Variants in MLLT1 observed in about 807,000 individuals in gnomAD.
The protein encoded by MLLT1 is protein ENL.
Under a neutral mutation model 55.1 loss-of-function variants are expected in MLLT1, and 11 were observed. That is an observed-to-expected ratio of 0.20 (90% CI 0.13 to 0.33). The LOEUF (loss-of-function observed/expected upper bound fraction) is 0.33, where lower values mean the gene tolerates loss of function less well. Ranked by LOEUF, MLLT1 falls within the 10% of genes least tolerant of loss-of-function variation. MLLT1 has a pLI of 1.00. For missense variants in MLLT1, 536 were observed against 760.6 expected, an observed-to-expected ratio of 0.70 and a Z score of 3.47; for synonymous variants, 323 against 320.1, an observed-to-expected ratio of 1.01 and a Z score of -0.10.
intron 3 of MLLT1, among the ~76,000 whole-genome samples, chr19:6,261,755 T>G (rs2091307844): frequency 6.6e-6 from 1 of 152,214 alleles, no homozygotes; most frequent in Non-Finnish European, 1.5e-5. Context: ...ATAACTCCTT[T>G]TTCCTTCAAG....
intron 1 of MLLT1, among the ~76,000 whole-genome samples, chr19:6,278,355 A>G (rs1348032778): frequency 6.6e-6 from 1 of 152,184 alleles, no homozygotes; most frequent in Non-Finnish European, 1.5e-5. Flanking sequence ...AGGGGGTGCC[A>G]GGGTGCAGGA....
chr19:6,257,411 AC>A (rs1357750324), intron 3 of MLLT1, among the ~76,000 whole-genome samples: 1 of 148,736 alleles, frequency 6.7e-6, no homozygotes, highest in Non-Finnish European at 1.5e-5. Context: ...AAAAAAAAAA[AC>A]ACCTAAAAAA....
rs987450618 is a variant in MLLT1 at position 6,210,916 on chromosome 19, G to A, written c.*2126C>T. On this transcript the variant is annotated 3_prime_UTR_variant, in exon 12 of 12. Transcript: ENST00000252674. The surrounding 1 kb of genome is among the most constrained non-coding windows in gnomAD (Gnocchi z 4.6). Reference sequence around the variant, plus strand: ...ACAACGTGAGGCCTTCCGGCCAGAGGAGGTAACTGAGAACTGGGTTGGTGC... The same window carrying A: ...ACAACGTGAGGCCTTCCGGCCAGAGAAGGTAACTGAGAACTGGGTTGGTGC... The A allele has an allele frequency of 8.7e-6, 2 of 231,032 alleles. No individual in the cohort carries two copies. The highest frequency in any genetic ancestry group is 1.2e-4 in the East Asian group (2 of 16,316). 14.3% of individuals were successfully genotyped at this position (231,032 alleles called of 1,614,324 possible).
At chr19:6,220,302 C>A (rs2090885189) in intron 6 of MLLT1, among the ~76,000 whole-genome samples, 1 of 152,224 alleles carries the variant, frequency 6.6e-6, no homozygotes, top group Non-Finnish European at 1.5e-5. Flanking sequence ...TTCGGTGAAG[C>A]CCCCGGGGGA....
chr19:6,260,225 G>A (rs899905622), intron 3 of MLLT1, among the ~76,000 whole-genome samples: 50 of 152,266 alleles, frequency 3.3e-4, no homozygotes, highest in African/African-American at 1.1e-3. Context: ...GCCCAGTAGT[G>A]ACAATCCTAT....
At chr19:6,244,354 A>G (rs1055335510) in intron 3 of MLLT1, among the ~76,000 whole-genome samples, 2 of 151,124 alleles carry the variant, frequency 1.3e-5, no homozygotes, top group Non-Finnish European at 1.5e-5. Flanking sequence ...TCCTCACTGT[A>G]AACGAACATT....
At chr19:6,216,305 T>C (rs1045559689) in intron 8 of MLLT1, 100 bp downstream of exon 8, 3 of 883,066 alleles carry the variant, frequency 3.4e-6, no homozygotes, top group Non-Finnish European at 5.4e-6. Context: ...CAGGGGACCC[T>C]CCAGTCCCAA....
chr19:6,242,547 TTC>T (rs1280007644), intron 3 of MLLT1, among the ~76,000 whole-genome samples: 1 of 151,842 alleles, frequency 6.6e-6, no homozygotes, highest in African/African-American at 2.4e-5. Flanking sequence ...CAAAATAAAC[TTC>T]TTTTTCACAC....
intron 3 of MLLT1, among the ~76,000 whole-genome samples, chr19:6,254,438 C>T (rs2091242379): frequency 6.6e-6 from 1 of 152,234 alleles, no homozygotes; most frequent in Non-Finnish European, 1.5e-5. Context: ...AGGGGCAACA[C>T]CCGATTTATG....
chr19:6,241,807 G>T (rs1490674152), intron 3 of MLLT1, among the ~76,000 whole-genome samples: 1 of 152,260 alleles, frequency 6.6e-6, no homozygotes. Context: ...CATCCATGCG[G>T]CTTGTCACAA....
At position 6,213,984 on chromosome 19, in the gene MLLT1, G is replaced by T; in HGVS notation, c.1362C>A (p.Ser454Arg). The change falls in exon 9 of 12, where the codon AGC becomes AGA. Residue 454 changes from serine (S) to arginine (R), a missense_variant. By Grantham distance (110) the Ser-to-Arg change is moderately radical. Around this residue, in one of 3 missense-constraint regions of MLLT1, gnomAD observed 449 missense variants for 489.0 expected, o/e 0.92. Transcript: ENST00000252674. ...GCTTCTGGGGGGGTGGGGGCTCACG[G>T]CTGGGCAGGGAGGAGTCGGCGCTGT... Reference protein sequence around the residue: ...SDNSADSSLPSREPPPPQKPP... With the variant: ...SDNSADSSLPRREPPPPQKPP... The T allele has an allele frequency of 6.8e-7, 1 of 1,461,290 alleles. No homozygotes were observed. The highest frequency in any genetic ancestry group is 9.0e-7 in the Non-Finnish European group (1 of 1,108,300). The allele number at this position is 1,461,290 out of a possible 1,614,324, so 90.5% of individuals were successfully genotyped here. A position where few individuals can be genotyped will look rare whatever the true frequency, so the allele number is the denominator to read the frequency against.
chr19:6,241,709 C>A (rs909796794), intron 3 of MLLT1, among the ~76,000 whole-genome samples: 3 of 152,212 alleles, frequency 2.0e-5, no homozygotes, highest in Non-Finnish European at 4.4e-5. Context: ...CAGACCCGCC[C>A]TCTAGGAAAC....
At chr19:6,269,564 C>CT (rs2144958028) in intron 2 of MLLT1, among the ~76,000 whole-genome samples, 1 of 152,340 alleles carries the variant, frequency 6.6e-6, no homozygotes, top group South Asian at 2.1e-4. Context: ...CAAGCCTCTA[C>CT]TGCTGTCAAC....
chr19:6,247,542 C>T (rs971098123), intron 3 of MLLT1, among the ~76,000 whole-genome samples: 2 of 152,130 alleles, frequency 1.3e-5, no homozygotes, highest in Admixed American at 6.5e-5. Flanking sequence ...TAACTGAATA[C>T]ATAAATGGAA....
intron 3 of MLLT1, among the ~76,000 whole-genome samples, chr19:6,252,572 T>C (rs1168660184): frequency 1.3e-5 from 2 of 152,164 alleles, no homozygotes; most frequent in Non-Finnish European, 2.9e-5. Context: ...ACATATGGAA[T>C]ACAGTGTACA....
At chr19:6,265,763 G>A (rs2091344150) in intron 2 of MLLT1, among the ~76,000 whole-genome samples, 2 of 152,066 alleles carry the variant, frequency 1.3e-5, no homozygotes, top group Admixed American at 1.3e-4. Flanking sequence ...GGCGGATCAC[G>A]AGGTTAACAG....
intron 10 of MLLT1, 73 bp from the exon 11 acceptor site, chr19:6,213,481 C>T: frequency 1.5e-6 from 2 of 1,315,468 alleles, no homozygotes; most frequent in South Asian, 2.3e-5. Context: ...CCAGCCCCAC[C>T]CATGACCCAG....
chr19:6,214,107 A>AC, intron 8 of MLLT1, 69 bp from the exon 9 acceptor site: 1 of 977,624 alleles, frequency 1.0e-6, no homozygotes, highest in Non-Finnish European at 1.3e-6. Context: ...CCCCAGGCTC[A>AC]AGCCTCTGCC....
In MLLT1 at chr19:6,225,568, G is replaced by A. The variant is rs113115147; in HGVS notation, c.546+1409C>T. Among the ~76,000 whole-genome samples the A allele has an allele frequency of 2.7e-3, 408 of 152,302 alleles. 2 individuals are homozygous for A. The highest frequency in any genetic ancestry group is 9.4e-3 in the African/African-American group (389 of 41,572). ...CCTCAGCAGACAAGTGCCTCGGCAG[G>A]ACCCCATGCTGCCCGATGCTCCCCA... On this transcript the variant is annotated intron_variant, in intron 5 of 11. Coordinates refer to ENST00000252674, the MANE Select transcript of MLLT1 (RefSeq NM_005934.4).
Sources: allele counts gnomAD v4.1 joint callset (sites outside exome capture counted in the v4.1 genomes callset), GRCh38; gene constraint gnomAD v4.1.1; regional missense constraint gnomAD v4.1.1; non-coding constraint Gnocchi (gnomAD v3.1); transcripts MANE v1.5; gene names NCBI Gene and HGNC (gene_info 2026-07-23, HGNC 2026-07-21).